The following C10orf67 variants were observed in gnomAD, a reference collection of about 807,000 sequenced individuals.
C10orf67 encodes the protein chromosome 10 open reading frame 67, also known as uncharacterized protein C10orf67, mitochondrial.
C10orf67 carries 60 observed loss-of-function variants against 35.6 expected under a neutral mutation model. The ratio of observed to expected loss-of-function variants is 1.68; its 90% confidence interval spans 1.37 to 2.09. The LOEUF is 2.09. Ranked by LOEUF, C10orf67 falls within the 30% of genes most tolerant of loss-of-function variation. The pLI is 0.00. For missense variants in C10orf67, 474 were observed against 330.2 expected (o/e 1.44, Z -3.38); for synonymous variants, 167 against 115.8 (o/e 1.44, Z -2.84).
chr10:23,342,200 C>T (rs1268450020), intron 1 of C10orf67, among the ~76,000 whole-genome samples: 1 of 142,964 alleles, frequency 7.0e-6, no homozygotes, highest in African/African-American at 2.7e-5. Context: ...AATTAAATCA[C>T]AGCTCCCTCC....
intron 15 of C10orf67, among the ~76,000 whole-genome samples, chr10:23,211,490 G>T (rs1249181101): frequency 3.0e-5 from 4 of 133,962 alleles, no homozygotes; most frequent in African/African-American, 1.2e-4. Context: ...GGGGGGGGGG[G>T]TATCACAATT....
At chr10:23,229,243 A>C (rs531329628) in intron 13 of C10orf67, among the ~76,000 whole-genome samples, 9 of 152,246 alleles carry the variant, frequency 5.9e-5, no homozygotes, top group Non-Finnish European at 1.0e-4. Context: ...ACCATGGAAT[A>C]CTATGCAGCC....
At chr10:23,234,763 C>T (rs1473975925) in intron 13 of C10orf67, among the ~76,000 whole-genome samples, 1 of 151,116 alleles carries the variant, frequency 6.6e-6, no homozygotes, top group Non-Finnish European at 1.5e-5. Context: ...GCCTGTAATC[C>T]CAGCACTTTG....
intron 5 of C10orf67, among the ~76,000 whole-genome samples, chr10:23,299,293 C>T (rs1408573065): frequency 6.6e-6 from 1 of 152,028 alleles, no homozygotes; most frequent in African/African-American, 2.4e-5. Context: ...TTTTGGAGTC[C>T]TTGTTGGACC....
chr10:23,219,907 C>G lies in C10orf67; in HGVS notation c.1570+3691G>C, dbSNP rs562324186. ...GGAGGCTGGACACAGTGGTTCATGT[C>G]TGTAATCGCTAGCACTTTGAAAGAG... On this transcript the variant is annotated intron_variant, in intron 15 of 15. Transcript: ENST00000636213. Among the ~76,000 whole-genome samples, 199 of 152,272 alleles carry G rather than the reference C, an allele frequency of 1.3e-3. 1 individual carries two copies. The highest frequency in any genetic ancestry group is 4.5e-3 in the African/African-American group (187 of 41,560).
chr10:23,214,281 G>A (rs1218199633), intron 15 of C10orf67, among the ~76,000 whole-genome samples: 1 of 151,966 alleles, frequency 6.6e-6, no homozygotes, highest in African/African-American at 2.4e-5. Context: ...TAAATTAGAA[G>A]AATAAAGAAT....
chr10:23,204,267 G>A lies in C10orf67; in HGVS notation c.1571-12C>T. The A allele has an allele frequency of 1.6e-6, 1 of 629,384 alleles. No homozygotes were observed. The highest frequency in any genetic ancestry group is 2.9e-6 in the Non-Finnish European group (1 of 340,018). The allele number at this position is 629,384 out of a possible 1,614,324, so 39.0% of individuals were successfully genotyped here. ...TTCCGACAACTTCCCTAAACGTGAA[G>A]AAAGGTGGACAGACATAAACTTTGT... On this transcript the variant is annotated splice_polypyrimidine_tract_variant and intron_variant, in intron 15 of 15. Transcript: ENST00000636213.
chr10:23,344,502 C>T, intron 1 of C10orf67, 67 bp downstream of exon 1: 1 of 1,442,192 alleles, frequency 6.9e-7, no homozygotes, highest in Non-Finnish European at 9.5e-7. Context: ...AATAACCCTT[C>T]AGCCTCCCGC....
At chr10:23,296,394 C>T (rs758072404) in intron 5 of C10orf67, among the ~76,000 whole-genome samples, 3 of 152,146 alleles carry the variant, frequency 2.0e-5, no homozygotes, top group African/African-American at 7.2e-5. Context: ...TTTCAGTGAG[C>T]TCTCCTTACT....
At chr10:23,318,100 TAAAAAAAAAAAAA>T (rs779655068) in intron 4 of C10orf67, 2 of 37,056 alleles carry the variant, frequency 5.4e-5, no homozygotes, top group Non-Finnish European at 1.0e-4. Context: ...TCCCTGTCTC[TAAAAAAAAAAAAA>T]AAAAAAAAAA....
intron 2 of C10orf67, among the ~76,000 whole-genome samples, chr10:23,326,494 A>G (rs1845198305): frequency 6.6e-6 from 1 of 152,152 alleles, no homozygotes; most frequent in Non-Finnish European, 1.5e-5. Flanking sequence ...ATAGCTAAAT[A>G]AAGTTTTTTA....
At chr10:23,329,008 A>AG in intron 2 of C10orf67, among the ~76,000 whole-genome samples, 3 of 149,974 alleles carry the variant, frequency 2.0e-5, no homozygotes, top group African/African-American at 7.3e-5. Flanking sequence ...AAAAAAAAAA[A>AG]AAAAAGAAAG....
At chr10:23,343,284 G>A (rs1845982431) in intron 1 of C10orf67, among the ~76,000 whole-genome samples, 1 of 152,128 alleles carries the variant, frequency 6.6e-6, no homozygotes, top group South Asian at 2.1e-4. Context: ...AATGGGATTA[G>A]TGCCCTTCTA....
intron 1 of C10orf67, among the ~76,000 whole-genome samples, chr10:23,339,384 T>C (rs1288517466): frequency 8.7e-6 from 1 of 114,446 alleles, no homozygotes; most frequent in Non-Finnish European, 1.8e-5. Context: ...GTAATAAAGA[T>C]TAATGGAAAA....
At chr10:23,302,470 A>G (rs538292432) in intron 5 of C10orf67, among the ~76,000 whole-genome samples, 17 of 152,312 alleles carry the variant, frequency 1.1e-4, no homozygotes, top group African/African-American at 3.6e-4. Flanking sequence ...GAGAATGAGA[A>G]GAGATGCCAT....
intron 8 of C10orf67, among the ~76,000 whole-genome samples, chr10:23,268,064 G>A (rs1842927914): frequency 6.6e-6 from 1 of 151,908 alleles, no homozygotes; most frequent in Non-Finnish European, 1.5e-5. Context: ...GAAGCAGGAG[G>A]ATTGCTTGAA....
intron 8 of C10orf67, among the ~76,000 whole-genome samples, chr10:23,270,805 A>G (rs1842997832): frequency 6.6e-6 from 1 of 152,216 alleles, no homozygotes; most frequent in African/African-American, 2.4e-5. Flanking sequence ...AATGCAGCAC[A>G]GCTGCTGTGC....
At chr10:23,279,636 T>G (rs958402485) in intron 8 of C10orf67, among the ~76,000 whole-genome samples, 3 of 152,084 alleles carry the variant, frequency 2.0e-5, no homozygotes, top group Non-Finnish European at 4.4e-5. Flanking sequence ...AATCATGGTG[T>G]TTTTCTGATG....
At position 23,303,354 on chromosome 10, in the gene C10orf67, C is replaced by T. The variant is rs79461697; in HGVS notation, c.652G>A (p.Glu218Lys). The change falls in exon 5 of 16, where the codon GAA becomes AAA. Residue 218 changes from glutamate (E) to lysine (K), a missense_variant. By Grantham distance (56) the Glu-to-Lys change is moderately conservative. Transcript: ENST00000636213. ...KLKEKEEVIK[E>K]LKEELDQYKD... The stretch of plus-strand genomic sequence containing the variant: ...TATTGGTCTAGTTCTTCTTTTAATT[C>T]TTTAATAACTTCTTCTTTCTCTTTC... 534 of 638,106 alleles carry T rather than the reference C, an allele frequency of 8.4e-4. No individual in the cohort carries two copies. The African/African-American group carries it at 8.7e-3, about 10-fold the overall frequency. The allele number at this position is 638,106 out of a possible 1,614,324, so 39.5% of individuals were successfully genotyped here.
Sources: gnomAD v4.1 joint callset for allele counts (sites outside exome capture counted in the v4.1 genomes callset) on GRCh38, gnomAD v4.1.1 for gene constraint, MANE v1.5 for transcripts, NCBI Gene and HGNC (gene_info 2026-07-23, HGNC 2026-07-21) for gene names.